The following GNPAT variants were observed in gnomAD, a reference collection of about 807,000 sequenced individuals.
GNPAT encodes glyceronephosphate O-acyltransferase.
Under a neutral mutation model 78.4 loss-of-function variants are expected in GNPAT, and 30 were observed. The ratio of observed to expected loss-of-function variants is 0.38; its 90% CI spans 0.29 to 0.52. The LOEUF is 0.52. Among genes scored for constraint, GNPAT ranks in the 20% least tolerant of loss-of-function variants. The pLI is 0.84. For missense variants in GNPAT, 714 were observed against 812.2 expected, an observed-to-expected ratio of 0.88 and a Z score of 1.47; for synonymous variants, 271 against 281.1, an observed-to-expected ratio of 0.96 and a Z score of 0.36.
chr1:231,271,890 C>G (rs1685577328), intron 10 of GNPAT, among the ~76,000 whole-genome samples: 1 of 152,192 alleles, frequency 6.6e-6, no homozygotes, highest in South Asian at 2.1e-4. Flanking sequence ...ATCACGATGT[C>G]AGGAGTTCGA....
chr1:231,265,762 T>G lies in GNPAT; in HGVS notation c.747T>G (p.Ser249=). 1 of 1,603,050 alleles carries G rather than the reference T, an allele frequency of 6.2e-7. No individual in the cohort carries two copies. Among genetic ancestry groups the G allele is most frequent in the Non-Finnish European group, 8.5e-7 (1 of 1,169,824 alleles). The change falls in exon 6 of 16, where the codon TCT becomes TCG. Residue 249 remains serine (S), a synonymous_variant. Coordinates refer to ENST00000366647, the MANE Select transcript of GNPAT (RefSeq NM_014236.4). ...TCCTCGAAGGGACAAGAAGCCGCTCTGCCAAGACATTGACTCCTAAATTTG... is the reference window on the plus strand; with the variant it reads ...TCCTCGAAGGGACAAGAAGCCGCTCGGCCAAGACATTGACTCCTAAATTTG... ...EFFLEGTRSR[S]AKTLTPKFGL...
chr1:231,265,146 A>G, intron 4 of GNPAT, 147 bp from the exon 5 acceptor site: 1 of 666,118 alleles, frequency 1.5e-6, no homozygotes, highest in Non-Finnish European at 2.6e-6. Flanking sequence ...TGAGGCCAGG[A>G]AGTTTGTGAC....
At chr1:231,274,935 A>T in intron 12 of GNPAT, 1 of 361,600 alleles carries the variant, frequency 2.8e-6, no homozygotes, top group Non-Finnish European at 5.2e-6. Context: ...AGCATAAGAG[A>T]TACGAAGCTG....
chr1:231,276,150 A>G lies in GNPAT; in HGVS notation c.1953A>G (p.Ile651Met). The G allele has an allele frequency of 7.6e-7, 1 of 1,311,864 alleles. No homozygotes were observed. Among genetic ancestry groups the G allele is most frequent in the Non-Finnish European group, 1.1e-6 (1 of 907,356 alleles). 81.3% of individuals were successfully genotyped at this position (1,311,864 alleles called of 1,614,324 possible). Reference protein sequence around the residue: ...VEKKKINNNCIFNVNEPATTK... With the variant: ...VEKKKINNNCMFNVNEPATTK... The stretch of plus-strand genomic sequence containing the variant: ...TTTCTCCTAGAAATAATAACTGTAT[A>G]TTTAATGTGAATGAACCTGCCACAA... Residue 651 changes from isoleucine to methionine, a missense_variant, in exon 15 of 16, where the codon ATA becomes ATG. Coordinates refer to ENST00000366647, the MANE Select transcript of GNPAT (RefSeq NM_014236.4).
At chr1:231,261,789 G>T (rs1432271071) in intron 3 of GNPAT, among the ~76,000 whole-genome samples, 1 of 152,060 alleles carries the variant, frequency 6.6e-6, no homozygotes, top group South Asian at 2.1e-4. Flanking sequence ...ACTTATTTGT[G>T]TTTTATATTT....
At chr1:231,252,849 G>A (rs1375471624) in intron 2 of GNPAT, among the ~76,000 whole-genome samples, 3 of 152,116 alleles carry the variant, frequency 2.0e-5, no homozygotes, top group African/African-American at 7.2e-5. Flanking sequence ...AACATTTGAC[G>A]CTGCCTCTTT....
At chr1:231,243,933 G>A (rs969410602) in intron 1 of GNPAT, among the ~76,000 whole-genome samples, 1 of 150,832 alleles carries the variant, frequency 6.6e-6, no homozygotes, top group Non-Finnish European at 1.5e-5. Flanking sequence ...TTTTGACATG[G>A]TGTCTCACTC....
chr1:231,244,271 A>T (rs1375508767), intron 1 of GNPAT, among the ~76,000 whole-genome samples: 1 of 152,214 alleles, frequency 6.6e-6, no homozygotes, highest in Non-Finnish European at 1.5e-5. Context: ...GTAGGAAGAG[A>T]ATCAGGTTGG....
intron 9 of GNPAT, 59 bp downstream of exon 9, chr1:231,267,962 T>C: frequency 9.3e-7 from 1 of 1,070,408 alleles, no homozygotes; most frequent in South Asian, 1.3e-5. Flanking sequence ...AGTTAAAACC[T>C]GGACCTGAAA....
At chr1:231,252,518 TTGCA>T (rs1310813500) in intron 2 of GNPAT, among the ~76,000 whole-genome samples, 1 of 152,178 alleles carries the variant, frequency 6.6e-6, no homozygotes, top group Non-Finnish European at 1.5e-5. Context: ...AATGGATGCA[TTGCA>T]GGTGTTGCTA....
intron 1 of GNPAT, among the ~76,000 whole-genome samples, chr1:231,243,318 TTTTG>T (rs1446825037): frequency 6.6e-6 from 1 of 151,928 alleles, no homozygotes; most frequent in Non-Finnish European, 1.5e-5. Context: ...CCTTTTTTGT[TTTTG>T]TTTTTGTTTT....
At chr1:231,262,196 G>C (rs1571946371) in intron 3 of GNPAT, among the ~76,000 whole-genome samples, 1 of 152,284 alleles carries the variant, frequency 6.6e-6, no homozygotes, top group African/African-American at 2.4e-5. Context: ...TTCTCACCTT[G>C]TCCTATGAAT....
At position 231,241,486 on chromosome 1, in the gene GNPAT, C is replaced by T. The variant is rs372074079; in HGVS notation, c.78+30C>T. 2.1e-5 allele frequency: 31 copies of T among 1,491,208 alleles called. No individual in the cohort carries two copies. The African/African-American group carries it at 3.6e-4, about 17-fold the overall frequency. The allele number at this position is 1,491,208 out of a possible 1,614,324, so 92.4% of individuals were successfully genotyped here. A position where few individuals can be genotyped will look rare whatever the true frequency, so the allele number is the denominator to read the frequency against. On this transcript the variant is annotated intron_variant, in intron 1 of 15. Transcript: ENST00000366647. ...GCGCCCAGGGAAAAGAGGCCCAGAGCGGAGCCGCGCGAAATAGTACCCCTT... is the reference window on the plus strand; with the variant it reads ...GCGCCCAGGGAAAAGAGGCCCAGAGTGGAGCCGCGCGAAATAGTACCCCTT...
Position 231,270,664 on chromosome 1 carries a change from T to C in GNPAT, c.1280-94T>C, listed in dbSNP as rs750305869. 144 of 1,185,522 alleles carry C rather than the reference T, an allele frequency of 1.2e-4. 3 individuals carry two copies. The South Asian group carries it at 1.6e-3, about 14-fold the overall frequency. 73.4% of individuals were successfully genotyped at this position (1,185,522 alleles called of 1,614,324 possible). ...AAAACCTGTCACTTGAAAATGAGCA[T>C]CTGTCACGTTACCATTAATAACGTT... On this transcript the variant is annotated intron_variant, in intron 9 of 15. Transcript: ENST00000366647.
At chr1:231,263,933 T>G (rs1685297971) in intron 4 of GNPAT, among the ~76,000 whole-genome samples, 1 of 152,190 alleles carries the variant, frequency 6.6e-6, no homozygotes, top group Admixed American at 6.5e-5. Context: ...TTAATTAGGT[T>G]GTTTGGGGCT....
At chr1:231,248,816 T>C (rs1270550858) in intron 1 of GNPAT, among the ~76,000 whole-genome samples, 2 of 152,226 alleles carry the variant, frequency 1.3e-5, no homozygotes, top group Non-Finnish European at 2.9e-5. Context: ...CAATCACTTA[T>C]AGCATTCAGT....
Position 231,267,806 on chromosome 1 carries a change from T to A in GNPAT, c.1182T>A (p.Leu394=). The A allele has an allele frequency of 6.2e-7, 1 of 1,613,290 alleles. No individual in the cohort carries two copies. Among genetic ancestry groups the A allele is most frequent in the Non-Finnish European group, 8.5e-7 (1 of 1,179,236 alleles). ...GGACCCTAATAGTTGCTGTTCTGCT[T>A]CAGAACCGGCCATCCATGGACTTTG... ...SPWTLIVAVL[L]QNRPSMDFDA... The change falls in exon 9 of 16, where the codon CTT becomes CTA. Residue 394 remains leucine, a synonymous_variant. Transcript: ENST00000366647.
rs1450676179 is a variant in GNPAT at position 231,267,748 on chromosome 1, T to C, written c.1124T>C (p.Leu375Pro). The C allele has an allele frequency of 2.5e-6, 4 of 1,613,206 alleles. No individual in the cohort carries two copies. The highest frequency in any genetic ancestry group is 3.4e-6 in the Non-Finnish European group (4 of 1,179,238). Residue 375 changes from leucine to proline, a missense_variant, in exon 9 of 16, where the codon CTT becomes CCT. Leu to Pro is a moderately conservative substitution (Grantham distance 98, BLOSUM62 -3). Transcript: ENST00000366647. ...ACTGAAGTTGCCTACAAAATGGAGC[T>C]TCTGCAAATTGAAAACATGGTTTTG... ...FVTEVAYKME[L>P]LQIENMVLSP...
At chr1:231,262,249 T>C (rs1402704948) in intron 3 of GNPAT, among the ~76,000 whole-genome samples, 1 of 152,234 alleles carries the variant, frequency 6.6e-6, no homozygotes, top group Non-Finnish European at 1.5e-5. Context: ...CTTTGTTTTC[T>C]CTTACTACAA....
Sources: gnomAD v4.1 joint callset for allele counts (sites outside exome capture counted in the v4.1 genomes callset) on GRCh38, gnomAD v4.1.1 for gene constraint, MANE v1.5 for transcripts, NCBI Gene and HGNC (gene_info 2026-07-23, HGNC 2026-07-21) for gene names.